The following SCYL2 variants were observed in gnomAD, a reference collection of about 807,000 sequenced individuals.
The protein encoded by SCYL2 is SCY1 like pseudokinase 2, also known as SCY1-like protein 2.
SCYL2 carries 36 observed loss-of-function variants against 100.4 expected under a neutral mutation model. The observed-to-expected ratio is 0.36, with a 90% CI of 0.27 to 0.47. The LOEUF is 0.47. Among genes scored for constraint, SCYL2 ranks in the 20% least tolerant of loss-of-function variants. The pLI, the probability that SCYL2 is intolerant of heterozygous loss-of-function variation, is 1.00. For synonymous variants in SCYL2, 330 were observed against 359.2 expected (o/e 0.92, Z 0.92); for missense variants, 902 against 1,083.9 (o/e 0.83, Z 2.36).
At chr12:100,307,640 A>G (rs1232894078) in intron 4 of SCYL2, among the ~76,000 whole-genome samples, 1 of 152,184 alleles carries the variant, frequency 6.6e-6, no homozygotes, top group Non-Finnish European at 1.5e-5. Context: ...CAAACTTGAG[A>G]AGTGGGATCT....
At chr12:100,303,449 T>A (rs1306176300) in intron 4 of SCYL2, among the ~76,000 whole-genome samples, 1 of 152,072 alleles carries the variant, frequency 6.6e-6, no homozygotes, top group Non-Finnish European at 1.5e-5. Context: ...ATGTCCTTTT[T>A]GTTGATGTTG....
In SCYL2 at chr12:100,336,881, A is replaced by C. The variant is rs189816387; in HGVS notation, c.2026-506A>C. Reference sequence around the variant, plus strand: ...ACTGTATGTGTAAAGCTAAGGGACTACTGGACATAGTAGTTTACAAAATTG... The same window carrying C: ...ACTGTATGTGTAAAGCTAAGGGACTCCTGGACATAGTAGTTTACAAAATTG... On this transcript the variant is annotated intron_variant, in intron 16 of 17. Transcript: ENST00000360820. Among the ~76,000 whole-genome samples the C allele has an allele frequency of 4.3e-4, 65 of 152,296 alleles. No individual in the cohort carries two copies. The East Asian group carries it at 9.1e-3, about 21-fold the overall frequency.
intron 11 of SCYL2, among the ~76,000 whole-genome samples, chr12:100,326,038 A>C (rs1273453890): frequency 6.6e-6 from 1 of 152,148 alleles, no homozygotes; most frequent in East Asian, 1.9e-4. Context: ...ATTCTATCTT[A>C]AGAAATTCCA....
intron 4 of SCYL2, among the ~76,000 whole-genome samples, chr12:100,301,895 C>T (rs1288966916): frequency 6.6e-6 from 1 of 152,224 alleles, no homozygotes; most frequent in Non-Finnish European, 1.5e-5. Context: ...CTGAAGCCAG[C>T]ACAGCCCAAG....
Position 100,339,308 on chromosome 12 carries a change from C to G in SCYL2, c.*136C>G. On this transcript the variant is annotated 3_prime_UTR_variant, in exon 18 of 18. Transcript: ENST00000360820. The stretch of plus-strand genomic sequence containing the variant: ...TTCTGTGACAGGAAACATCTCTGTC[C>G]ATGCCAGCATAGTAGTTGTATGGAC... 1 of 846,664 alleles carries G rather than the reference C, an allele frequency of 1.2e-6. No individual in the cohort carries two copies. Among genetic ancestry groups the G allele is most frequent in the East Asian group, 2.6e-5 (1 of 38,316 alleles). The allele number at this position is 846,664 out of a possible 1,614,324, so 52.4% of individuals were successfully genotyped here. A position where few individuals can be genotyped will look rare whatever the true frequency, so the allele number is the denominator to read the frequency against.
At chr12:100,302,664 C>A (rs919659720) in intron 4 of SCYL2, among the ~76,000 whole-genome samples, 1 of 152,178 alleles carries the variant, frequency 6.6e-6, no homozygotes, top group East Asian at 1.9e-4. Flanking sequence ...GGTAACCCGA[C>A]CTTTCTCTCT....
chr12:100,297,972 T>G, intron 3 of SCYL2, 59 bp from the exon 4 acceptor site: 3 of 1,290,694 alleles, frequency 2.3e-6, no homozygotes, highest in Non-Finnish European at 3.2e-6. Context: ...TTTATGTATA[T>G]TTGATTTTGA....
chr12:100,333,423 G>A (rs759763216), intron 13 of SCYL2, among the ~76,000 whole-genome samples: 1 of 152,120 alleles, frequency 6.6e-6, no homozygotes, highest in African/African-American at 2.4e-5. Flanking sequence ...TTGAAGAGTT[G>A]TGAGGATTAA....
rs766702697 is a variant in SCYL2, at chr12:100,338,666, A to G, written c.2284A>G (p.Thr762Ala). The stretch of plus-strand genomic sequence containing the variant: ...CATTGGTATGATGTTTTCTACACCA[A>G]CTGATAATACAAAGAGAAATTTGAC... ...MGIGMMFSTP[T>A]DNTKRNLTNG... The change falls in exon 18 of 18, where the codon ACT (threonine) becomes GCT (alanine). Residue 762 changes from threonine to alanine, a missense_variant. Physicochemically the swap from Thr to Ala is moderately conservative, Grantham distance 58. Coordinates refer to ENST00000360820, the MANE Select transcript of SCYL2 (RefSeq NM_017988.6). The G allele has an allele frequency of 1.9e-6, 3 of 1,614,010 alleles. No homozygotes were observed. The South Asian group carries it at 3.3e-5, about 18-fold the overall frequency.
At chr12:100,315,813 A>G (rs1566363663) in intron 9 of SCYL2, 79 bp downstream of exon 9, 3 of 1,207,544 alleles carry the variant, frequency 2.5e-6, no homozygotes, top group South Asian at 4.4e-5. Flanking sequence ...AGGAATGAAT[A>G]TATGACTTAA....
chr12:100,318,679 C>T (rs1592960291), intron 10 of SCYL2, among the ~76,000 whole-genome samples: 1 of 152,276 alleles, frequency 6.6e-6, no homozygotes, highest in East Asian at 1.9e-4. Flanking sequence ...TTTTCCCATA[C>T]TCATAATTTT....
At chr12:100,332,167 G>A (rs1199231475) in intron 13 of SCYL2, among the ~76,000 whole-genome samples, 6 of 152,168 alleles carry the variant, frequency 3.9e-5, no homozygotes, top group Non-Finnish European at 7.3e-5. Context: ...ATGAATTGTG[G>A]TTATACATGT....
chr12:100,289,369 A>G (rs2096307962), intron 2 of SCYL2, among the ~76,000 whole-genome samples: 1 of 152,136 alleles, frequency 6.6e-6, no homozygotes, highest in African/African-American at 2.4e-5. Context: ...AACTGTTTGA[A>G]ACTTGACTTT....
chr12:100,339,301 C>T lies in SCYL2; in HGVS notation c.*129C>T. On this transcript the variant is annotated 3_prime_UTR_variant, in exon 18 of 18. Transcript: ENST00000360820. Reference sequence around the variant, plus strand: ...TGAACAGTTCTGTGACAGGAAACATCTCTGTCCATGCCAGCATAGTAGTTG... The same window carrying T: ...TGAACAGTTCTGTGACAGGAAACATTTCTGTCCATGCCAGCATAGTAGTTG... 1 of 890,652 alleles carries T rather than the reference C, an allele frequency of 1.1e-6. No individual in the cohort carries two copies. Among genetic ancestry groups the T allele is most frequent in the South Asian group, 1.7e-5 (1 of 58,544 alleles). The allele number at this position is 890,652 out of a possible 1,614,324, so 55.2% of individuals were successfully genotyped here.
chr12:100,328,406 C>T (rs1952163662), intron 12 of SCYL2, among the ~76,000 whole-genome samples: 1 of 152,182 alleles, frequency 6.6e-6, no homozygotes, highest in African/African-American at 2.4e-5. Flanking sequence ...AGACTAACGT[C>T]ATTTTAGGAT....
At chr12:100,298,240 A>G in intron 4 of SCYL2, 65 bp downstream of exon 4, 3 of 1,171,138 alleles carry the variant, frequency 2.6e-6, no homozygotes, top group Non-Finnish European at 3.6e-6. Flanking sequence ...TGGCATTTCA[A>G]ACTTATTAAC....
chr12:100,298,967 T>C (rs1200006979), intron 4 of SCYL2, among the ~76,000 whole-genome samples: 1 of 152,154 alleles, frequency 6.6e-6, no homozygotes, highest in Non-Finnish European at 1.5e-5. Context: ...TGGTGGCTTA[T>C]GCCTGTAATC....
Position 100,294,776 on chromosome 12 carries a change from G to T in SCYL2, c.335+3116G>T, listed in dbSNP as rs1309473465. Among the ~76,000 whole-genome samples, 399 of 147,422 alleles carry T rather than the reference G, an allele frequency of 2.7e-3. 1 individual carries two copies. The highest frequency in any genetic ancestry group is 9.3e-3 in the African/African-American group (362 of 38,980). On this transcript the variant is annotated intron_variant, in intron 3 of 17. Transcript: ENST00000360820. ...CCCCCCCACCTCCCTCCCGGACGGG[G>T]CGGCTGGCCGGGCGGGGGGCTGACC...
intron 6 of SCYL2, 63 bp downstream of exon 6, chr12:100,312,716 T>G: frequency 1.1e-5 from 13 of 1,213,430 alleles, no homozygotes; most frequent in African/African-American, 1.5e-5. Context: ...TTGATTTTTT[T>G]CCAAAATGTG....
Sources: allele counts gnomAD v4.1 joint callset (sites outside exome capture counted in the v4.1 genomes callset), GRCh38; gene constraint gnomAD v4.1.1; transcripts MANE v1.5; gene names NCBI Gene and HGNC (gene_info 2026-07-23, HGNC 2026-07-21).